The following USPL1 variants were observed in gnomAD, a reference collection of about 807,000 sequenced individuals.
USPL1 encodes ubiquitin specific peptidase like 1, also known as SUMO-specific isopeptidase USPL1.
Under a neutral mutation model 51.5 loss-of-function variants are expected in USPL1, and 27 were observed. The ratio of observed to expected loss-of-function variants is 0.52; its 90% CI spans 0.39 to 0.72. USPL1 has a LOEUF of 0.72. Among genes scored for constraint, USPL1 ranks in the 30% least tolerant of loss-of-function variants. The probability of loss-of-function intolerance (pLI) is 0.00; values close to 1 mark genes in which losing one functional copy is unlikely to be tolerated. For missense variants in USPL1, 1,226 were observed against 1,268.0 expected, an observed-to-expected ratio of 0.97 and a Z score of 0.50; for synonymous variants, 451 against 459.6, an observed-to-expected ratio of 0.98 and a Z score of 0.24.
intron 3 of USPL1, 73 bp from the exon 4 acceptor site, chr13:30,630,762 A>G (rs1370492636): frequency 7.0e-7 from 1 of 1,424,498 alleles, no homozygotes; most frequent in East Asian, 2.3e-5. Flanking sequence ...CATGTTTTTC[A>G]TGATATGAAA....
intron 4 of USPL1, among the ~76,000 whole-genome samples, chr13:30,632,117 C>G (rs531548761): frequency 4.1e-4 from 62 of 152,214 alleles, no homozygotes; most frequent in African/African-American, 1.5e-3. Flanking sequence ...CTTCCCCAAC[C>G]CCTCCATTCC....
chr13:30,627,646 C>T (rs377520121), intron 3 of USPL1, among the ~76,000 whole-genome samples: 29 of 151,192 alleles, frequency 1.9e-4, no homozygotes, highest in African/African-American at 5.8e-4. Context: ...AAAGGGTTTT[C>T]GTCTCAGGAT....
intron 3 of USPL1, among the ~76,000 whole-genome samples, chr13:30,629,399 A>T (rs924356128): frequency 6.6e-6 from 1 of 152,104 alleles, no homozygotes; most frequent in African/African-American, 2.4e-5. Flanking sequence ...AGGTTGTAGG[A>T]TCTCTTGATC....
intron 1 of USPL1, among the ~76,000 whole-genome samples, chr13:30,619,966 A>G (rs1383300380): frequency 3.9e-5 from 6 of 152,346 alleles, no homozygotes; most frequent in African/African-American, 1.4e-4. Flanking sequence ...TCGTCAGTGC[A>G]TAGAACAGCC....
At chr13:30,626,555 C>T (rs1457605358) in intron 3 of USPL1, among the ~76,000 whole-genome samples, 2 of 152,116 alleles carry the variant, frequency 1.3e-5, no homozygotes, top group Admixed American at 1.3e-4. Flanking sequence ...AGCCCTTTAT[C>T]AGTAAACTTT....
At chr13:30,622,072 C>A (rs148593822) in intron 3 of USPL1, among the ~76,000 whole-genome samples, 180 bp downstream of exon 3, 1 of 151,822 alleles carries the variant, frequency 6.6e-6, no homozygotes, top group Non-Finnish European at 1.5e-5. Flanking sequence ...TACTTGGTTG[C>A]GTAAAGATGT....
intron 3 of USPL1, among the ~76,000 whole-genome samples, chr13:30,624,325 T>C (rs138157239): frequency 6.6e-6 from 1 of 151,808 alleles, no homozygotes; most frequent in African/African-American, 2.4e-5. Context: ...GAAAAAAAAA[T>C]CCTGACTGGC....
In USPL1 at chr13:30,659,437, C is replaced by A; in HGVS notation, c.*81C>A. 1 of 1,238,126 alleles carries A rather than the reference C, an allele frequency of 8.1e-7. No homozygotes were observed. The highest frequency in any genetic ancestry group is 1.1e-6 in the Non-Finnish European group (1 of 920,348). 76.7% of individuals were successfully genotyped at this position (1,238,126 alleles called of 1,614,324 possible). On this transcript the variant is annotated 3_prime_UTR_variant, in exon 9 of 9. Transcript: ENST00000255304. ...AATGTGTTCAGGTAGTGTTTATACA[C>A]TGGACTTGTGTAATTACTTGTGTAA...
At chr13:30,636,369 C>A in intron 4 of USPL1, among the ~76,000 whole-genome samples, 1 of 149,776 alleles carries the variant, frequency 6.7e-6, no homozygotes. Context: ...TTGGCATGGT[C>A]AAATAACAAA....
rs139481673 is a variant in USPL1 at position 30,637,765 on chromosome 13, C to T, written c.890C>T (p.Thr297Ile). The change falls in exon 5 of 9, where the codon ACC becomes ATC. Residue 297 changes from threonine (T) to isoleucine (I), a missense_variant. Thr to Ile is a moderately conservative substitution (Grantham distance 89). Transcript: ENST00000255304. ...TTAGATGGAGATTGTAAAAAACTTA[C>T]CTCAGAAATATTTGCAGAGATAGAG... ...GVKDGDCKKL[T>I]SEIFAEIETC... 1 of 1,611,864 alleles carries T rather than the reference C, an allele frequency of 6.2e-7. No individual in the cohort carries two copies. The highest frequency in any genetic ancestry group is 8.5e-7 in the Non-Finnish European group (1 of 1,179,350).
In USPL1 at chr13:30,631,263, A is replaced by G. The variant is rs1188644471; in HGVS notation, c.657A>G (p.Thr219=). 4 of 1,614,096 alleles carry G rather than the reference A, an allele frequency of 2.5e-6. No homozygotes were observed. The highest frequency in any genetic ancestry group is 3.4e-6 in the Non-Finnish European group (4 of 1,180,036). ...AAATGCCACTGGAGAGCAAATGTAC[A>G]TCATTTCCCCAGGCTTTATGTGTCC... ...KLEMPLESKC[T]SFPQALCVQW... Residue 219 remains threonine, a synonymous_variant, in exon 4 of 9, where the codon ACA becomes ACG. Coordinates refer to ENST00000255304, the MANE Select transcript of USPL1 (RefSeq NM_005800.5).
At chr13:30,639,437 T>C (rs574538797) in intron 5 of USPL1, among the ~76,000 whole-genome samples, 19 of 152,232 alleles carry the variant, frequency 1.2e-4, no homozygotes, top group South Asian at 4.1e-4. Flanking sequence ...CATGGACTTA[T>C]ACATACATAT....
chr13:30,627,151 G>A (rs572618592), intron 3 of USPL1, among the ~76,000 whole-genome samples: 4 of 151,744 alleles, frequency 2.6e-5, no homozygotes, highest in South Asian at 4.2e-4. Context: ...AGATGGTTGC[G>A]CTGGGCTAAA....
In USPL1 at chr13:30,621,755, C is replaced by T; in HGVS notation, c.100-9C>T. On this transcript the variant is annotated splice_polypyrimidine_tract_variant and intron_variant, in intron 2 of 8. Coordinates refer to ENST00000255304, the MANE Select transcript of USPL1 (RefSeq NM_005800.5). ...GTCTATATTTTAATTTGCTTTATTT[C>T]TCTTTTAGAATTTTGATTCAGCTAA... The T allele has an allele frequency of 6.9e-7, 1 of 1,456,954 alleles. No homozygotes were observed. The highest frequency in any genetic ancestry group is 9.1e-7 in the Non-Finnish European group (1 of 1,104,720). The allele number at this position is 1,456,954 out of a possible 1,614,324, so 90.3% of individuals were successfully genotyped here.
chr13:30,653,476 G>A (rs866842319), intron 8 of USPL1, among the ~76,000 whole-genome samples, 171 bp downstream of exon 8: 1 of 152,108 alleles, frequency 6.6e-6, no homozygotes, highest in South Asian at 2.1e-4. Context: ...AAAAGTGATG[G>A]TTTTAGTATC....
chr13:30,635,474 T>C (rs995446101), intron 4 of USPL1, among the ~76,000 whole-genome samples: 2 of 152,204 alleles, frequency 1.3e-5, no homozygotes, highest in Non-Finnish European at 2.9e-5. Context: ...TCCTTAACTC[T>C]CAATTTTATT....
intron 3 of USPL1, among the ~76,000 whole-genome samples, chr13:30,624,613 C>A (rs140108910): frequency 6.6e-6 from 1 of 152,158 alleles, no homozygotes; most frequent in East Asian, 1.9e-4. Context: ...GAGTGTGAGA[C>A]CCTGTCTCTA....
At chr13:30,631,562 A>T in intron 4 of USPL1, 88 bp downstream of exon 4, 3 of 1,314,432 alleles carry the variant, frequency 2.3e-6, no homozygotes, top group Non-Finnish European at 3.1e-6. Context: ...GTGCAGTGGC[A>T]TGATCATGTC....
At chr13:30,637,666 A>T in intron 4 of USPL1, 78 bp from the exon 5 acceptor site, 2 of 1,189,532 alleles carry the variant, frequency 1.7e-6, no homozygotes, top group Non-Finnish European at 2.4e-6. Flanking sequence ...CTCAGCTTTC[A>T]TTCTTGGGAA....
Sources: allele counts gnomAD v4.1 joint callset (sites outside exome capture counted in the v4.1 genomes callset), GRCh38; gene constraint gnomAD v4.1.1; transcripts MANE v1.5; gene names NCBI Gene and HGNC (gene_info 2026-07-23, HGNC 2026-07-21).